The following TBC1D5 variants were observed in gnomAD, a reference collection of about 807,000 sequenced individuals.
TBC1D5 encodes the protein TBC1 domain family member 5, also known as TBC1 domain family, member 5.
A neutral mutation model predicts 100.3 loss-of-function variants in TBC1D5; 75 were observed. The ratio of observed to expected loss-of-function variants is 0.75; its 90% CI spans 0.62 to 0.91. The LOEUF (loss-of-function observed/expected upper bound fraction) is 0.91. Ranked by LOEUF, TBC1D5 falls within the 40% of genes least tolerant of loss-of-function variation. TBC1D5 has a pLI of 0.00. For missense variants in TBC1D5, 910 were observed against 942.4 expected (o/e 0.97, Z 0.45); for synonymous variants, 323 against 325.6 (o/e 0.99, Z 0.09).
At chr3:17,241,778 C>T (rs905614896) in intron 16 of TBC1D5, among the ~76,000 whole-genome samples, 19 of 152,252 alleles carry the variant, frequency 1.2e-4, no homozygotes, top group Non-Finnish European at 2.5e-4. Context: ...CAACTGATCT[C>T]AATTTCTGTG....
chr3:17,160,921 A>G, exon 22 of TBC1D5: 1 of 1,581,752 alleles, frequency 6.3e-7, no homozygotes, highest in Non-Finnish European at 8.6e-7. Flanking sequence ...GGGGCCACTG[A>G]AGGGTGGCTA....
intron 8 of TBC1D5, among the ~76,000 whole-genome samples, chr3:17,391,788 A>C (rs1032546654): frequency 7.2e-5 from 11 of 152,268 alleles, no homozygotes; most frequent in African/African-American, 2.2e-4. Flanking sequence ...AGTGACAGAA[A>C]GTCTGGCAAT....
chr3:17,678,746 G>T (rs1342554424), intron 1 of TBC1D5, among the ~76,000 whole-genome samples: 1 of 147,194 alleles, frequency 6.8e-6, no homozygotes, highest in East Asian at 1.9e-4. Flanking sequence ...GCTCTTAAAA[G>T]GGTCCTCTGA....
At chr3:17,247,392 C>T (rs2076823213) in intron 16 of TBC1D5, among the ~76,000 whole-genome samples, 1 of 152,168 alleles carries the variant, frequency 6.6e-6, no homozygotes, top group Admixed American at 6.5e-5. Flanking sequence ...CATTATACTG[C>T]AGTCTATTCA....
At chr3:17,468,036 A>C (rs2095329369) in intron 3 of TBC1D5, among the ~76,000 whole-genome samples, 1 of 152,248 alleles carries the variant, frequency 6.6e-6, no homozygotes, top group Non-Finnish European at 1.5e-5. Flanking sequence ...ATACATTTTG[A>C]ATAAGCAGCA....
At chr3:17,335,827 T>C (rs1292746931) in intron 13 of TBC1D5, among the ~76,000 whole-genome samples, 1 of 152,118 alleles carries the variant, frequency 6.6e-6, no homozygotes, top group African/African-American at 2.4e-5. Flanking sequence ...ACAAAGTATA[T>C]ATTCATAATT....
chr3:17,677,189 A>T (rs1577401036), intron 1 of TBC1D5, among the ~76,000 whole-genome samples: 2 of 152,344 alleles, frequency 1.3e-5, no homozygotes, highest in South Asian at 4.1e-4. Context: ...GCACAGCAAA[A>T]GAAACTACCA....
chr3:17,261,623 A>G (rs1022077916), intron 15 of TBC1D5, among the ~76,000 whole-genome samples: 1 of 151,986 alleles, frequency 6.6e-6, no homozygotes, highest in Non-Finnish European at 1.5e-5. Flanking sequence ...CCCAGGCTCA[A>G]GTGATCCTCC....
intron 19 of TBC1D5, among the ~76,000 whole-genome samples, chr3:17,177,594 T>C (rs564106950): frequency 6.6e-6 from 1 of 152,184 alleles, no homozygotes; most frequent in Non-Finnish European, 1.5e-5. Context: ...GTCTAAATAA[T>C]TTAAGTTCTC....
chr3:17,315,565 A>G (rs2084592953), intron 13 of TBC1D5, among the ~76,000 whole-genome samples: 1 of 152,252 alleles, frequency 6.6e-6, no homozygotes, highest in Non-Finnish European at 1.5e-5. Context: ...TTAAAATGCT[A>G]TTCCTGGAGA....
intron 17 of TBC1D5, among the ~76,000 whole-genome samples, chr3:17,231,443 A>C (rs1262127946): frequency 6.6e-6 from 1 of 152,150 alleles, no homozygotes; most frequent in Non-Finnish European, 1.5e-5. Context: ...TAAAAATAAA[A>C]GCCCATATAA....
At chr3:17,222,450 G>A (rs1489118884) in intron 17 of TBC1D5, among the ~76,000 whole-genome samples, 1 of 152,120 alleles carries the variant, frequency 6.6e-6, no homozygotes, top group Non-Finnish European at 1.5e-5. Context: ...TCTGTTGATA[G>A]ACCTAAATTC....
chr3:17,405,446 G>T (rs1000937578), intron 5 of TBC1D5, among the ~76,000 whole-genome samples: 1 of 151,970 alleles, frequency 6.6e-6, no homozygotes, highest in African/African-American at 2.4e-5. Context: ...GAAAAAAAAT[G>T]TAATTTAAAG....
At chr3:17,233,913 AAAT>A (rs1255348442) in intron 17 of TBC1D5, among the ~76,000 whole-genome samples, 163 bp from the exon 18 acceptor site, 9 of 152,162 alleles carry the variant, frequency 5.9e-5, no homozygotes, top group African/African-American at 2.2e-4. Context: ...TTTTCAAAGA[AAAT>A]AATCTTTAAG....
chr3:17,428,595 T>A, intron 3 of TBC1D5, 76 bp from the exon 4 acceptor site: 1 of 676,748 alleles, frequency 1.5e-6, no homozygotes, highest in Non-Finnish European at 2.2e-6. Context: ...GTGAAAGCTC[T>A]ACGCAATATA....
At chr3:17,426,751 T>C (rs1368759405) in intron 4 of TBC1D5, among the ~76,000 whole-genome samples, 1 of 152,072 alleles carries the variant, frequency 6.6e-6, no homozygotes, top group African/African-American at 2.4e-5. Flanking sequence ...TACCTTCACA[T>C]GAAAACATTT....
At chr3:17,579,314 G>C (rs1414231390) in intron 2 of TBC1D5, among the ~76,000 whole-genome samples, 3 of 152,028 alleles carry the variant, frequency 2.0e-5, no homozygotes, top group Non-Finnish European at 4.4e-5. Flanking sequence ...TTACACAGGT[G>C]AATGTAAATT....
chr3:17,497,265 C>A (rs1576364910), intron 3 of TBC1D5, among the ~76,000 whole-genome samples: 1 of 152,122 alleles, frequency 6.6e-6, no homozygotes, highest in African/African-American at 2.4e-5. Flanking sequence ...TATAATATCA[C>A]CCTATTTTAA....
chr3:17,455,408 GTGTATATA>G (rs1272041099), intron 3 of TBC1D5, among the ~76,000 whole-genome samples: 113 of 147,422 alleles, frequency 7.7e-4, no homozygotes, highest in Non-Finnish European at 1.1e-3. Context: ...ACACACGTGT[GTGTATATA>G]TGTATATATG....
Sources: allele counts gnomAD v4.1 joint callset (sites outside exome capture counted in the v4.1 genomes callset), GRCh38; gene constraint gnomAD v4.1.1; transcripts MANE v1.5; gene names NCBI Gene and HGNC (gene_info 2026-07-23, HGNC 2026-07-21).